Variants in TP53BP2 observed in about 807,000 individuals in gnomAD.
TP53BP2 encodes tumor protein p53 binding protein 2, also known as apoptosis-stimulating of p53 protein 2.
A neutral mutation model predicts 126.2 loss-of-function variants in TP53BP2; 62 were observed. That is an observed-to-expected ratio of 0.49 (90% CI 0.40 to 0.61). The LOEUF (loss-of-function observed/expected upper bound fraction) is 0.61, where lower values mean the gene tolerates loss of function less well. Ranked by LOEUF, TP53BP2 falls within the 20% of genes least tolerant of loss-of-function variation. TP53BP2 has a pLI of 0.00. For missense variants in TP53BP2, 1,215 were observed against 1,402.8 expected, an observed-to-expected ratio of 0.87 and a Z score of 2.14; for synonymous variants, 485 against 502.9, an observed-to-expected ratio of 0.96 and a Z score of 0.48.
chr1:223,822,044 A>G (rs1402599308), intron 1 of TP53BP2, among the ~76,000 whole-genome samples: 2 of 151,930 alleles, frequency 1.3e-5, no homozygotes, highest in Admixed American at 6.6e-5. Context: ...GGCGCATGCC[A>G]TATCACACCA....
chr1:223,822,822 G>A (rs975952819), intron 1 of TP53BP2, among the ~76,000 whole-genome samples: 1 of 151,584 alleles, frequency 6.6e-6, no homozygotes. Flanking sequence ...CTGAAGAAAC[G>A]AAGTGAAACA....
Position 223,793,434 on chromosome 1 carries a change from T to C in TP53BP2, c.2731A>G (p.Arg911Gly). Residue 911 changes from arginine to glycine, a missense_variant, in exon 14 of 18, where the codon AGG (arginine) becomes GGG (glycine). Transcript: ENST00000343537. ...GAGCCAGTTTTACGCAAGTTTGTCC[T>C]TTTACCCTGCAAAGAAAATGGGTGG... ...TGQVSLPPGK[R>G]TNLRKTGSER... is the part of the protein sequence containing the mutation. 1.3e-6 allele frequency: 2 copies of C among 1,576,898 alleles called. No individual in the cohort carries two copies. The highest frequency in any genetic ancestry group is 1.9e-5 in the Admixed American group (1 of 51,662).
Position 223,798,513 on chromosome 1 carries a change from T to G in TP53BP2, c.1650A>C (p.Pro550=), listed in dbSNP as rs763719236. 1.2e-5 allele frequency: 20 copies of G among 1,614,084 alleles called. No individual in the cohort carries two copies. In the South Asian group the frequency reaches 1.9e-4, roughly 15 times the overall value. The change falls in exon 12 of 18, where the codon CCA becomes CCC. Residue 550 remains proline (P), a synonymous_variant. Transcript: ENST00000343537. The part of the protein sequence containing the change: ...STVVPSMGTK[P]KPAGQQPRVL... ...CTCTCGGCTGCTGCCCTGCTGGTTTTGGTTTAGTTCCCATGGACGGAACAA... is the reference window on the plus strand; with the variant it reads ...CTCTCGGCTGCTGCCCTGCTGGTTTGGGTTTAGTTCCCATGGACGGAACAA...
chr1:223,812,410 C>G (rs1230922227), intron 3 of TP53BP2, among the ~76,000 whole-genome samples: 1 of 152,166 alleles, frequency 6.6e-6, no homozygotes, highest in Non-Finnish European at 1.5e-5. Flanking sequence ...GAGACGGAGT[C>G]TCGCTCTGTC....
At chr1:223,804,668 T>G (rs2102855799) in intron 5 of TP53BP2, among the ~76,000 whole-genome samples, 1 of 152,314 alleles carries the variant, frequency 6.6e-6, no homozygotes, top group Non-Finnish European at 1.5e-5. Context: ...AAAAAGCAGC[T>G]CATGTAGAAA....
At chr1:223,819,522 T>A (rs1220557811) in intron 2 of TP53BP2, among the ~76,000 whole-genome samples, 2 of 151,722 alleles carry the variant, frequency 1.3e-5, no homozygotes, top group Non-Finnish European at 2.9e-5. Context: ...CTGTCTCTAC[T>A]AAAAATACAA....
chr1:223,800,105 A>G (rs1021340045), intron 10 of TP53BP2, 58 bp from the exon 11 acceptor site: 2 of 1,492,854 alleles, frequency 1.3e-6, no homozygotes, highest in Non-Finnish European at 1.8e-6. Flanking sequence ...TATCTCATTC[A>G]CTCGTAAGTT....
At position 223,843,181 on chromosome 1, in the gene TP53BP2, C is replaced by CT. The variant is rs58598832; in HGVS notation, c.27+2472dup. Among the ~76,000 whole-genome samples the CT allele has an allele frequency of 8.3e-3, 1,208 of 146,134 alleles. 3 individuals are homozygous for CT. The highest frequency in any genetic ancestry group is 0.015 in the South Asian group (69 of 4,608). On this transcript the variant is annotated intron_variant, in intron 1 of 17. Coordinates refer to ENST00000343537, the MANE Select transcript of TP53BP2 (RefSeq NM_001031685.3). ...AACACATGAACACAATTTATTTGCA[C>CT]TTTTTTTTTTTTTTATGGAGTCACT...
intron 1 of TP53BP2, among the ~76,000 whole-genome samples, chr1:223,834,293 C>T (rs1279887280): frequency 6.6e-6 from 1 of 152,178 alleles, no homozygotes; most frequent in African/African-American, 2.4e-5. Flanking sequence ...AAGTTCCAGG[C>T]CCTGCTCCAC....
intron 1 of TP53BP2, among the ~76,000 whole-genome samples, chr1:223,843,559 C>T (rs1349005239): frequency 6.6e-6 from 1 of 152,140 alleles, no homozygotes; most frequent in Non-Finnish European, 1.5e-5. Context: ...GTACCTAATG[C>T]CACAGAACTG....
intron 1 of TP53BP2, among the ~76,000 whole-genome samples, chr1:223,832,266 C>A (rs6667215): frequency 1.3e-5 from 2 of 151,888 alleles, no homozygotes; most frequent in Non-Finnish European, 2.9e-5. Context: ...GAGGAAGAAA[C>A]AGAAAATTAT....
intron 14 of TP53BP2, among the ~76,000 whole-genome samples, chr1:223,792,967 C>T (rs924334597): frequency 1.3e-5 from 2 of 151,590 alleles, no homozygotes; most frequent in African/African-American, 4.8e-5. Flanking sequence ...CATACATGAA[C>T]AATTTCTAAA....
rs141235201 is a variant in TP53BP2 at position 223,780,756 on chromosome 1, T to A, written c.*97A>T. 71 of 1,186,778 alleles carry A rather than the reference T, an allele frequency of 6.0e-5. No homozygotes were observed. Among genetic ancestry groups the A allele is most frequent in the Non-Finnish European group, 7.4e-6 (6 of 815,722 alleles). 73.5% of individuals were successfully genotyped at this position (1,186,778 alleles called of 1,614,324 possible). ...TCATCGCTTTCAAGCTACATTGTCATTAAAATAAGTCTTGTGAAATTTTTG... is the reference window on the plus strand; with the variant it reads ...TCATCGCTTTCAAGCTACATTGTCAATAAAATAAGTCTTGTGAAATTTTTG... On this transcript the variant is annotated 3_prime_UTR_variant, in exon 18 of 18. Coordinates refer to ENST00000343537, the MANE Select transcript of TP53BP2 (RefSeq NM_001031685.3).
intron 1 of TP53BP2, among the ~76,000 whole-genome samples, chr1:223,832,115 G>T (rs767351135): frequency 3.3e-5 from 5 of 152,004 alleles, no homozygotes; most frequent in Non-Finnish European, 7.4e-5. Flanking sequence ...ATTTGATTCA[G>T]AAAATCATGT....
intron 9 of TP53BP2, 73 bp downstream of exon 9, chr1:223,802,043 A>AT (rs1311742861): frequency 8.1e-5 from 114 of 1,407,420 alleles, no homozygotes; most frequent in East Asian, 4.6e-4. Flanking sequence ...ACAAAGAGAG[A>AT]TTTTTTTTAA....
intron 1 of TP53BP2, among the ~76,000 whole-genome samples, chr1:223,833,092 CT>C (rs1489250661): frequency 6.6e-6 from 1 of 152,190 alleles, no homozygotes; most frequent in African/African-American, 2.4e-5. Flanking sequence ...GATTTCTTAG[CT>C]GTTTCTCTAG....
At chr1:223,812,209 G>A (rs1330184042) in intron 3 of TP53BP2, among the ~76,000 whole-genome samples, 1 of 152,170 alleles carries the variant, frequency 6.6e-6, no homozygotes, top group Non-Finnish European at 1.5e-5. Context: ...CTCTAGGTGT[G>A]TGGCCTCTGA....
intron 1 of TP53BP2, among the ~76,000 whole-genome samples, chr1:223,835,002 C>T (rs1663870380): frequency 6.6e-6 from 1 of 152,150 alleles, no homozygotes; most frequent in Non-Finnish European, 1.5e-5. Flanking sequence ...AACTCACTCC[C>T]CAAAAAACTC....
Position 223,796,353 on chromosome 1 carries a change from T to C in TP53BP2, c.2186A>G (p.Lys729Arg), listed in dbSNP as rs1662321635. 2 of 1,614,106 alleles carry C rather than the reference T, an allele frequency of 1.2e-6. No individual in the cohort carries two copies. The highest frequency in any genetic ancestry group is 2.7e-5 in the African/African-American group (2 of 74,932). The change falls in exon 13 of 18, where the codon AAG becomes AGG. Residue 729 changes from lysine (K) to arginine (R), a missense_variant. Around this residue, in one of 4 missense-constraint regions of TP53BP2, gnomAD observed 46 missense variants for 93.0 expected, o/e 0.49. Transcript: ENST00000343537. This position sits in a 1 kb window ranked among gnomAD's most constrained non-coding sequence, Gnocchi z 4.2. ...QSDADLEALR[K>R]KLSNAPRPLK... ...AGGCCTTGGTGCGTTAGACAGTTTCTTTCGTAAGGCTTCTAGGTCAGCATC... is the reference window on the plus strand; with the variant it reads ...AGGCCTTGGTGCGTTAGACAGTTTCCTTCGTAAGGCTTCTAGGTCAGCATC...
Sources: allele counts gnomAD v4.1 joint callset (sites outside exome capture counted in the v4.1 genomes callset), GRCh38; gene constraint gnomAD v4.1.1; regional missense constraint gnomAD v4.1.1; non-coding constraint Gnocchi (gnomAD v3.1); transcripts MANE v1.5; gene names NCBI Gene and HGNC (gene_info 2026-07-23, HGNC 2026-07-21).